The following SCFD2 variants were observed in gnomAD, a reference collection of about 807,000 sequenced individuals.
SCFD2 encodes the protein sec1 family domain containing 2.
SCFD2 carries 54 observed loss-of-function variants against 58.9 expected under a neutral mutation model. The ratio of observed to expected loss-of-function variants is 0.92; its 90% CI spans 0.74 to 1.15. SCFD2 has a LOEUF of 1.15. Ranked by LOEUF, SCFD2 falls within the 50% of genes most tolerant of loss-of-function variation. The pLI, the probability that SCFD2 is intolerant of heterozygous loss-of-function variation, is 0.00. For missense variants in SCFD2, 805 were observed against 836.6 expected, an observed-to-expected ratio of 0.96 and a Z score of 0.47; for synonymous variants, 321 against 335.9, an observed-to-expected ratio of 0.96 and a Z score of 0.49.
intron 5 of SCFD2, among the ~76,000 whole-genome samples, chr4:52,932,151 A>G (rs181749288): frequency 2.0e-3 from 303 of 152,358 alleles, no homozygotes; most frequent in Non-Finnish European, 3.5e-3. Flanking sequence ...TTGTTTAAAG[A>G]GATAACGTTA....
intron 5 of SCFD2, among the ~76,000 whole-genome samples, chr4:53,033,035 G>T (rs947891225): frequency 2.0e-5 from 3 of 151,994 alleles, no homozygotes; most frequent in African/African-American, 7.2e-5. Flanking sequence ...GCACCTCATT[G>T]CACATATTCT....
chr4:53,074,605 C>T (rs1395002452), intron 5 of SCFD2, among the ~76,000 whole-genome samples: 1 of 152,146 alleles, frequency 6.6e-6, no homozygotes, highest in Non-Finnish European at 1.5e-5. Context: ...CTCCTCAATC[C>T]ATGAGCGACA....
chr4:52,955,706 A>G (rs2109535158), intron 5 of SCFD2, among the ~76,000 whole-genome samples: 1 of 152,368 alleles, frequency 6.6e-6, no homozygotes. Context: ...ATTCATAAAA[A>G]GACCCCAGCA....
At chr4:53,193,764 T>C (rs1656922549) in intron 4 of SCFD2, among the ~76,000 whole-genome samples, 1 of 152,230 alleles carries the variant, frequency 6.6e-6, no homozygotes, top group African/African-American at 2.4e-5. Context: ...GAGTACTTTT[T>C]GTTTCTATCA....
intron 4 of SCFD2, among the ~76,000 whole-genome samples, chr4:53,243,681 T>A (rs1729971350): frequency 6.7e-6 from 1 of 148,662 alleles, no homozygotes; most frequent in South Asian, 2.2e-4. Flanking sequence ...AGGCACAAAG[T>A]AGCAAGCTGG....
intron 4 of SCFD2, among the ~76,000 whole-genome samples, chr4:53,195,180 G>C (rs182872419): frequency 1.3e-5 from 2 of 152,082 alleles, no homozygotes; most frequent in African/African-American, 4.8e-5. Context: ...TTTAAAAATC[G>C]AGTGCTGTAA....
At chr4:53,302,372 T>C (rs1247755870) in intron 3 of SCFD2, among the ~76,000 whole-genome samples, 2 of 151,988 alleles carry the variant, frequency 1.3e-5, no homozygotes, top group African/African-American at 4.8e-5. Context: ...GAGAATAAAA[T>C]ACCTAGGAAT....
chr4:52,907,339 C>A, intron 7 of SCFD2, 118 bp downstream of exon 7: 1 of 1,009,802 alleles, frequency 9.9e-7, no homozygotes, highest in Non-Finnish European at 1.5e-6. Flanking sequence ...TTTAGAAGAG[C>A]CAAAATACCA....
chr4:53,317,308 G>A (rs1280572579), intron 2 of SCFD2, among the ~76,000 whole-genome samples: 1 of 152,020 alleles, frequency 6.6e-6, no homozygotes, highest in African/African-American at 2.4e-5. Context: ...CATACTTACT[G>A]GTATTTTTTT....
intron 3 of SCFD2, among the ~76,000 whole-genome samples, chr4:53,284,671 G>A (rs1174358135): frequency 1.3e-5 from 2 of 152,130 alleles, no homozygotes; most frequent in Non-Finnish European, 2.9e-5. Context: ...CCTCAATGGG[G>A]TTTAAACAAG....
intron 3 of SCFD2, among the ~76,000 whole-genome samples, chr4:53,292,163 G>A (rs942373217): frequency 4.6e-5 from 7 of 151,902 alleles, no homozygotes; most frequent in Non-Finnish European, 7.4e-5. Context: ...AGACGAAAAT[G>A]TCAAAAGCAA....
chr4:53,239,738 A>C (rs1729831429), intron 4 of SCFD2, among the ~76,000 whole-genome samples: 1 of 152,084 alleles, frequency 6.6e-6, no homozygotes, highest in Admixed American at 6.5e-5. Context: ...AGCCTCCCAA[A>C]GTGCTGGGAT....
chr4:53,221,783 G>A (rs1475080069), intron 4 of SCFD2, among the ~76,000 whole-genome samples: 2 of 152,194 alleles, frequency 1.3e-5, no homozygotes, highest in Non-Finnish European at 2.9e-5. Flanking sequence ...AATATTGCTG[G>A]AAGATGGAGA....
chr4:53,025,346 C>A (rs1488061029), intron 5 of SCFD2, among the ~76,000 whole-genome samples: 1 of 152,170 alleles, frequency 6.6e-6, no homozygotes, highest in Non-Finnish European at 1.5e-5. Context: ...AATAAACATT[C>A]TTGTTAATCT....
intron 6 of SCFD2, among the ~76,000 whole-genome samples, chr4:52,911,954 C>A (rs1272294877): frequency 6.6e-6 from 1 of 152,060 alleles, no homozygotes; most frequent in East Asian, 1.9e-4. Flanking sequence ...GCAATTCCTG[C>A]CACCATCACC....
intron 4 of SCFD2, among the ~76,000 whole-genome samples, chr4:53,149,939 C>T (rs1329922330): frequency 2.6e-5 from 4 of 152,188 alleles, no homozygotes; most frequent in African/African-American, 9.7e-5. Context: ...AACCTAACTA[C>T]TAAATGTAAT....
chr4:52,909,669 A>G (rs886850442), intron 6 of SCFD2, among the ~76,000 whole-genome samples: 1 of 152,266 alleles, frequency 6.6e-6, no homozygotes, highest in South Asian at 2.1e-4. Flanking sequence ...GGCAAGAATG[A>G]TCTCAATTGT....
At chr4:53,277,539 T>C (rs985031172) in intron 3 of SCFD2, among the ~76,000 whole-genome samples, 3 of 152,204 alleles carry the variant, frequency 2.0e-5, no homozygotes, top group Non-Finnish European at 4.4e-5. Flanking sequence ...TGAAAGGCTC[T>C]ACATGATATG....
In SCFD2 at chr4:53,271,435, CTTTATTTATTTATTTA is replaced by C. The variant is rs10524620; in HGVS notation, c.1311+2375_1311+2390del. ...GAATGAGCTAGATCTACATACATCA[CTTTATTTATTTATTTA>C]TTTATTTATTTATTTATTTATTTAT... On this transcript the variant is annotated intron_variant, in intron 4 of 8. Coordinates refer to ENST00000401642, the MANE Select transcript of SCFD2 (RefSeq NM_152540.4). Among the ~76,000 whole-genome samples the C allele has an allele frequency of 2.8e-3, 388 of 139,504 alleles. 1 individual carries two copies. The highest frequency in any genetic ancestry group is 4.5e-3 in the Non-Finnish European group (292 of 65,212). 91.5% of individuals were successfully genotyped at this position (139,504 alleles called of 152,430 possible).
Sources: gnomAD v4.1 joint callset for allele counts (sites outside exome capture counted in the v4.1 genomes callset) on GRCh38, gnomAD v4.1.1 for gene constraint, MANE v1.5 for transcripts, NCBI Gene and HGNC (gene_info 2026-07-23, HGNC 2026-07-21) for gene names.